Variants in FAR2 observed in about 807,000 individuals in gnomAD.
FAR2 encodes the protein fatty acyl-CoA reductase 2, also known as epididymis secretory protein Li 81.
A neutral mutation model predicts 56.0 loss-of-function variants in FAR2; 19 were observed. The ratio of observed to expected loss-of-function variants is 0.34; its 90% confidence interval spans 0.24 to 0.50. FAR2 has a LOEUF of 0.50. FAR2 is among the 20% of genes least tolerant of loss of function. The pLI is 0.98. For synonymous variants in FAR2, 219 were observed against 218.8 expected, an observed-to-expected ratio of 1.00 and a Z score of -0.01; for missense variants, 508 against 642.2, an observed-to-expected ratio of 0.79 and a Z score of 2.26.
intron 10 of FAR2, among the ~76,000 whole-genome samples, chr12:29,327,263 C>T (rs1483495759): frequency 1.3e-5 from 2 of 152,148 alleles, no homozygotes; most frequent in African/African-American, 4.8e-5. Flanking sequence ...AAGATACAAA[C>T]AAATGGAAGA....
chr12:29,175,429 C>G (rs1174081581), intron 1 of FAR2, among the ~76,000 whole-genome samples: 1 of 152,214 alleles, frequency 6.6e-6, no homozygotes, highest in Non-Finnish European at 1.5e-5. Flanking sequence ...GCAAGTGTTA[C>G]AGCTCTTAAA....
intron 5 of FAR2, among the ~76,000 whole-genome samples, chr12:29,308,544 A>C (rs1949291036): frequency 6.7e-6 from 1 of 149,954 alleles, no homozygotes; most frequent in East Asian, 2.0e-4. Context: ...TTTGACTTTT[A>C]TACTGTAACG....
intron 1 of FAR2, among the ~76,000 whole-genome samples, chr12:29,234,939 A>T (rs566211686): frequency 1.3e-5 from 2 of 152,320 alleles, no homozygotes; most frequent in South Asian, 4.1e-4. Context: ...CATCACGCAT[A>T]TATCACATTT....
intron 1 of FAR2, among the ~76,000 whole-genome samples, chr12:29,259,668 G>A (rs952808931): frequency 1.3e-5 from 2 of 152,122 alleles, no homozygotes; most frequent in African/African-American, 4.8e-5. Context: ...CATAACCATG[G>A]AAAATTGGTG....
At chr12:29,194,560 C>CACACACACACACA (rs71042963) in intron 1 of FAR2, among the ~76,000 whole-genome samples, 1 of 144,980 alleles carries the variant, frequency 6.9e-6, no homozygotes, top group Non-Finnish European at 1.5e-5. Context: ...CACACACACA[C>CACACACACACACA]CACAGGAGGG....
At chr12:29,259,619 C>T (rs1260735461) in intron 1 of FAR2, among the ~76,000 whole-genome samples, 1 of 152,074 alleles carries the variant, frequency 6.6e-6, no homozygotes, top group East Asian at 1.9e-4. Flanking sequence ...TTAGAACAGG[C>T]TCATTTTATC....
At chr12:29,151,123 A>G (rs1324312463) in intron 1 of FAR2, among the ~76,000 whole-genome samples, 2 of 152,162 alleles carry the variant, frequency 1.3e-5, no homozygotes, top group East Asian at 3.9e-4. Flanking sequence ...GTTTCTGGCA[A>G]CGTCTCATCA....
intron 1 of FAR2, among the ~76,000 whole-genome samples, chr12:29,187,106 T>A (rs1188686525): frequency 6.6e-6 from 1 of 152,194 alleles, no homozygotes; most frequent in Non-Finnish European, 1.5e-5. Context: ...TTCTTATAAC[T>A]GTTCTTGGTA....
chr12:29,333,781 C>A lies in FAR2; in HGVS notation c.1535C>A (p.Thr512Lys). The change falls in exon 12 of 12, where the codon ACG (threonine) becomes AAG (lysine). Residue 512 changes from threonine to lysine, a missense_variant. Transcript: ENST00000536681. ...KFLSYFRASS[T>K]LKV ...CTCTCCTACTTTAGAGCATCCAGCACGCTCAAAGTTTAAGAGCATTTAGCC... is the reference window on the plus strand; with the variant it reads ...CTCTCCTACTTTAGAGCATCCAGCAAGCTCAAAGTTTAAGAGCATTTAGCC... 1 of 1,613,500 alleles carries A rather than the reference C, an allele frequency of 6.2e-7. No individual in the cohort carries two copies. Among genetic ancestry groups the A allele is most frequent in the Non-Finnish European group, 8.5e-7 (1 of 1,179,614 alleles).
In FAR2 at chr12:29,158,886, G is replaced by C. The variant is rs565940291; in HGVS notation, c.-39+9479G>C. Among the ~76,000 whole-genome samples, 125 of 152,298 alleles carry C rather than the reference G, an allele frequency of 8.2e-4. 1 individual carries two copies. Among genetic ancestry groups the C allele is most frequent in the African/African-American group, 2.8e-3 (118 of 41,562 alleles). On this transcript the variant is annotated intron_variant, in intron 1 of 11. Coordinates refer to ENST00000536681, the MANE Select transcript of FAR2 (RefSeq NM_001271783.2). ...GGCTTGTCACACATCTAGTTAGTGG[G>C]TGCATCAAGGCTAGTATCCACATCT...
chr12:29,310,997 T>C (rs907070851), intron 6 of FAR2, 31 bp from the exon 7 acceptor site: 5 of 1,524,930 alleles, frequency 3.3e-6, no homozygotes, highest in Middle Eastern at 1.7e-4. Flanking sequence ...TAAGACCTGG[T>C]TTAATATTTT....
intron 1 of FAR2, among the ~76,000 whole-genome samples, chr12:29,242,561 A>G (rs978246902): frequency 1.2e-4 from 18 of 152,298 alleles, no homozygotes; most frequent in African/African-American, 4.3e-4. Flanking sequence ...AACTGTTCAT[A>G]TATTCAACCT....
At chr12:29,233,990 GTTC>G (rs1306175896) in intron 1 of FAR2, among the ~76,000 whole-genome samples, 1 of 152,114 alleles carries the variant, frequency 6.6e-6, no homozygotes, top group Non-Finnish European at 1.5e-5. Context: ...ATTTCACTTA[GTTC>G]TTCTGCCCCA....
chr12:29,226,458 T>G (rs560538730), intron 1 of FAR2, among the ~76,000 whole-genome samples: 1 of 152,228 alleles, frequency 6.6e-6, no homozygotes, highest in East Asian at 1.9e-4. Flanking sequence ...AAAGTACCTC[T>G]AAGCAGTTAA....
chr12:29,293,202 A>G lies in FAR2; in HGVS notation c.190-98A>G, dbSNP rs189482852. ...TTTAAGTAATGTTATTACAACTAAA[A>G]CCAGTTTTTGAGTATAATTAAGCAG... On this transcript the variant is annotated intron_variant, in intron 2 of 11. Coordinates refer to ENST00000536681, the MANE Select transcript of FAR2 (RefSeq NM_001271783.2). 19 of 1,038,832 alleles carry G rather than the reference A, an allele frequency of 1.8e-5. No individual in the cohort carries two copies. In the East Asian group the frequency reaches 3.1e-4, roughly 17 times the overall value. The allele number at this position is 1,038,832 out of a possible 1,614,324, so 64.4% of individuals were successfully genotyped here.
At chr12:29,227,509 T>G (rs1947788018) in intron 1 of FAR2, among the ~76,000 whole-genome samples, 1 of 152,180 alleles carries the variant, frequency 6.6e-6, no homozygotes, top group Non-Finnish European at 1.5e-5. Flanking sequence ...GTCCTTTTTC[T>G]TTCATAATTG....
chr12:29,168,545 A>G (rs190220886), intron 1 of FAR2, among the ~76,000 whole-genome samples: 1 of 152,324 alleles, frequency 6.6e-6, no homozygotes, highest in African/African-American at 2.4e-5. Context: ...GGTTCCTTCC[A>G]GTGGGTTCTT....
At chr12:29,164,554 C>T (rs1949809582) in intron 1 of FAR2, among the ~76,000 whole-genome samples, 2 of 152,132 alleles carry the variant, frequency 1.3e-5, no homozygotes, top group Non-Finnish European at 2.9e-5. Context: ...ATCTGAAGGC[C>T]CTTGGTATTC....
intron 1 of FAR2, among the ~76,000 whole-genome samples, chr12:29,267,107 T>C (rs1565496332): frequency 1.3e-5 from 2 of 152,180 alleles, no homozygotes; most frequent in African/African-American, 2.4e-5. Flanking sequence ...GCAAAATTTA[T>C]CATGAAGTAT....
Sources: allele counts gnomAD v4.1 joint callset (sites outside exome capture counted in the v4.1 genomes callset), GRCh38; gene constraint gnomAD v4.1.1; transcripts MANE v1.5; gene names NCBI Gene and HGNC (gene_info 2026-07-23, HGNC 2026-07-21).